The following GRIK2 variants were observed in gnomAD, a reference collection of about 807,000 sequenced individuals.
The protein encoded by GRIK2 is glutamate receptor ionotropic, kainate 2.
In GRIK2, 32 loss-of-function variants were observed where a neutral mutation model predicts 100.3. That is an observed-to-expected ratio of 0.32 (90% CI 0.24 to 0.43). The LOEUF (loss-of-function observed/expected upper bound fraction) is 0.43. Among genes scored for constraint, GRIK2 ranks in the 20% least tolerant of loss-of-function variants. The pLI, the probability that GRIK2 is intolerant of heterozygous loss-of-function variation, is 1.00. For missense variants in GRIK2, 843 were observed against 1,114.9 expected (o/e 0.76, Z 3.47); for synonymous variants, 417 against 389.4 (o/e 1.07, Z -0.83).
At chr6:101,718,617 A>T (rs942792597) in intron 7 of GRIK2, among the ~76,000 whole-genome samples, 1 of 151,904 alleles carries the variant, frequency 6.6e-6, no homozygotes, top group Non-Finnish European at 1.5e-5. Flanking sequence ...TGTCCCTTCC[A>T]GTGTATTGTG....
chr6:101,686,746 T>C (rs1399481193), intron 7 of GRIK2, among the ~76,000 whole-genome samples: 2 of 152,136 alleles, frequency 1.3e-5, no homozygotes, highest in Admixed American at 6.6e-5. Context: ...TGGTGTTATA[T>C]AAATGACTTA....
At chr6:101,410,776 C>T (rs1775852788) in intron 2 of GRIK2, among the ~76,000 whole-genome samples, 1 of 152,108 alleles carries the variant, frequency 6.6e-6, no homozygotes, top group South Asian at 2.1e-4. Flanking sequence ...ACATGTACCC[C>T]TGAACCTAAA....
chr6:102,060,555 G>T (rs1771695770), intron 16 of GRIK2, among the ~76,000 whole-genome samples: 1 of 150,680 alleles, frequency 6.6e-6, no homozygotes. Context: ...TAAATAATTA[G>T]TTCTAACAGG....
At chr6:101,723,382 C>T (rs190548252) in intron 7 of GRIK2, among the ~76,000 whole-genome samples, 3 of 151,982 alleles carry the variant, frequency 2.0e-5, no homozygotes, top group African/African-American at 7.2e-5. Context: ...AAGTTTTCCA[C>T]TGTAGCATCT....
chr6:101,434,120 A>G (rs1326607682), intron 2 of GRIK2, among the ~76,000 whole-genome samples: 13 of 152,218 alleles, frequency 8.5e-5, no homozygotes, highest in Non-Finnish European at 1.5e-4. Flanking sequence ...TAACGTGCAA[A>G]TAACACAAAA....
intron 2 of GRIK2, among the ~76,000 whole-genome samples, chr6:101,423,465 T>C (rs550223967): frequency 5.9e-5 from 9 of 152,284 alleles, no homozygotes; most frequent in African/African-American, 2.2e-4. Context: ...CTTGTTTTTT[T>C]ATGTATTTAT....
At chr6:101,605,306 G>A (rs1779393874) in intron 2 of GRIK2, among the ~76,000 whole-genome samples, 1 of 151,966 alleles carries the variant, frequency 6.6e-6, no homozygotes, top group Non-Finnish European at 1.5e-5. Flanking sequence ...TCCTTACCCA[G>A]TGGTGAATCC....
At chr6:101,634,348 C>T (rs529011796) in intron 4 of GRIK2, among the ~76,000 whole-genome samples, 1 of 152,066 alleles carries the variant, frequency 6.6e-6, no homozygotes, top group East Asian at 1.9e-4. Flanking sequence ...GGCACATTTA[C>T]CTAGAAGGGG....
intron 9 of GRIK2, among the ~76,000 whole-genome samples, chr6:101,814,265 C>T (rs1439529035): frequency 6.6e-6 from 1 of 151,674 alleles, no homozygotes; most frequent in Non-Finnish European, 1.5e-5. Context: ...AAAGTTAGGA[C>T]ATTGAAAAAA....
At chr6:101,610,960 T>C (rs191022283) in intron 2 of GRIK2, among the ~76,000 whole-genome samples, 1 of 151,900 alleles carries the variant, frequency 6.6e-6, no homozygotes, top group Non-Finnish European at 1.5e-5. Context: ...GCAGGCCCTC[T>C]TGGTTGTAAA....
chr6:101,832,697 G>A (rs1301709854), intron 10 of GRIK2, among the ~76,000 whole-genome samples: 1 of 152,160 alleles, frequency 6.6e-6, no homozygotes, highest in Non-Finnish European at 1.5e-5. Flanking sequence ...TGCATTAAGA[G>A]CCTGTTTTTC....
At chr6:101,905,114 T>C (rs1021487003) in intron 12 of GRIK2, among the ~76,000 whole-genome samples, 3 of 151,596 alleles carry the variant, frequency 2.0e-5, no homozygotes, top group Non-Finnish European at 4.4e-5. Context: ...TCAGTTCATA[T>C]GTGAGTCTAG....
chr6:101,966,726 T>TTGA (rs1278645360), intron 14 of GRIK2, among the ~76,000 whole-genome samples: 5 of 152,092 alleles, frequency 3.3e-5, no homozygotes, highest in African/African-American at 1.2e-4. Flanking sequence ...GAGATTATGA[T>TTGA]TGATAGGATA....
intron 16 of GRIK2, among the ~76,000 whole-genome samples, chr6:102,064,413 CCTTT>C (rs3029035): frequency 1.1e-4 from 16 of 141,132 alleles, no homozygotes; most frequent in South Asian, 2.2e-4. Context: ...CTCCCTCCCT[CCTTT>C]CTTTCTTTCT....
chr6:101,997,817 A>C (rs1187929894), intron 14 of GRIK2, among the ~76,000 whole-genome samples: 1 of 151,862 alleles, frequency 6.6e-6, no homozygotes, highest in Non-Finnish European at 1.5e-5. Flanking sequence ...ATATTGACTA[A>C]TTCCTCTTTT....
At chr6:101,725,139 T>C (rs571795413) in intron 7 of GRIK2, among the ~76,000 whole-genome samples, 25 of 152,198 alleles carry the variant, frequency 1.6e-4, no homozygotes, top group African/African-American at 6.0e-4. Flanking sequence ...CATTCATATA[T>C]TAAGTGGCTG....
chr6:101,798,547 C>T (rs1193512390), intron 7 of GRIK2, among the ~76,000 whole-genome samples: 1 of 152,002 alleles, frequency 6.6e-6, no homozygotes, highest in Non-Finnish European at 1.5e-5. Flanking sequence ...TGTGGTATAG[C>T]TCCTTAGGAT....
At chr6:102,051,107 T>C (rs1010447338) in intron 15 of GRIK2, among the ~76,000 whole-genome samples, 2 of 152,194 alleles carry the variant, frequency 1.3e-5, no homozygotes, top group African/African-American at 4.8e-5. Flanking sequence ...TGCCCATCCA[T>C]ACGCTGTCAT....
At chr6:101,542,459 A>T (rs1389447198) in intron 2 of GRIK2, among the ~76,000 whole-genome samples, 3 of 136,932 alleles carry the variant, frequency 2.2e-5, no homozygotes, top group Non-Finnish European at 3.1e-5. Flanking sequence ...TAACAGGCGT[A>T]TTTAAAGAAT....
Sources: allele counts gnomAD v4.1 joint callset (sites outside exome capture counted in the v4.1 genomes callset), GRCh38; gene constraint gnomAD v4.1.1; transcripts MANE v1.5; gene names NCBI Gene and HGNC (gene_info 2026-07-23, HGNC 2026-07-21).